Variants in SLFN12 observed in about 807,000 individuals in gnomAD.
SLFN12 encodes the protein schlafen family member 12.
SLFN12 carries 25 observed loss-of-function variants against 29.1 expected under a neutral mutation model. That is an observed-to-expected ratio of 0.86 (90% CI 0.63 to 1.20). The LOEUF (loss-of-function observed/expected upper bound fraction) is 1.20. Among genes scored for constraint, SLFN12 ranks in the 50% most tolerant of loss-of-function variants. The probability of loss-of-function intolerance (pLI) is 0.00; values close to 1 mark genes in which losing one functional copy is unlikely to be tolerated. For missense variants in SLFN12, 660 were observed against 666.2 expected (o/e 0.99, Z 0.10); for synonymous variants, 257 against 238.7 (o/e 1.08, Z -0.71).
intron 1 of SLFN12, among the ~76,000 whole-genome samples, chr17:35,424,121 T>C (rs1911863122): frequency 6.6e-6 from 1 of 152,176 alleles, no homozygotes; most frequent in South Asian, 2.1e-4. Context: ...GGATCACTGC[T>C]TTGCTCTAAA....
chr17:35,423,054 A>G lies in SLFN12; in HGVS notation c.-26T>C. 4.5e-6 allele frequency: 7 copies of G among 1,572,060 alleles called. No homozygotes were observed. The highest frequency in any genetic ancestry group is 1.4e-5 in the African/African-American group (1 of 73,750). ...TTTCCCAGCAGCTATGCAGTGTCCA[A>G]GCAGAAATTCTTTTCTGTAAAATAG... On this transcript the variant is annotated 5_prime_UTR_variant, in exon 2 of 4. Coordinates refer to ENST00000304905, the MANE Select transcript of SLFN12 (RefSeq NM_018042.5).
intron 1 of SLFN12, among the ~76,000 whole-genome samples, chr17:35,423,894 G>T (rs942759956): frequency 2.6e-5 from 4 of 152,140 alleles, no homozygotes; most frequent in African/African-American, 9.7e-5. Context: ...CAATAAGTAG[G>T]CAGTCTGCGA....
intron 1 of SLFN12, among the ~76,000 whole-genome samples, chr17:35,426,852 A>C (rs1269680962): frequency 1.3e-5 from 2 of 152,130 alleles, no homozygotes; most frequent in Admixed American, 6.5e-5. Context: ...ATTCCTCTAC[A>C]TACATGCCTG....
intron 3 of SLFN12, among the ~76,000 whole-genome samples, chr17:35,418,178 C>T (rs1449622557): frequency 6.6e-6 from 1 of 151,524 alleles, no homozygotes; most frequent in African/African-American, 2.4e-5. Flanking sequence ...AAAGGGCTTA[C>T]CCTACCAGAT....
At chr17:35,416,925 GAACT>G (rs1911352029) in intron 3 of SLFN12, among the ~76,000 whole-genome samples, 1 of 151,906 alleles carries the variant, frequency 6.6e-6, no homozygotes, top group African/African-American at 2.4e-5. Context: ...ATTGAAAAAA[GAACT>G]AACAGTCTTC....
At chr17:35,432,770 G>A (rs1912393512), upstream of SLFN12, 2 of 152,162 alleles carry the variant, frequency 1.3e-5, no homozygotes, top group Non-Finnish European at 2.9e-5. Context: ...AAGCAGACCG[G>A]GATGGGGGTG....
At chr17:35,425,640 T>C (rs185492393) in intron 1 of SLFN12, among the ~76,000 whole-genome samples, 1 of 152,122 alleles carries the variant, frequency 6.6e-6, no homozygotes, top group South Asian at 2.1e-4. Flanking sequence ...ATTATCTATA[T>C]GTACCACTTT....
rs760122325 is a variant in SLFN12, at chr17:35,422,629, C to G, written c.400G>C (p.Ala134Pro). Reference protein sequence around the residue: ...SNLYKRDITSAKVMNATAALE... With the variant: ...SNLYKRDITSPKVMNATAALE... ...GCAGCAGTGGCATTCATGACTTTTG[C>G]AGATGTTATATCTCTTTTGTACAAA... is the stretch of plus-strand genomic sequence containing the variant. Residue 134 changes from alanine (A) to proline (P), a missense_variant, in exon 2 of 4, where the codon GCA becomes CCA. Physicochemically the swap from Ala to Pro is conservative, Grantham distance 27. Transcript: ENST00000304905. 1 of 1,613,878 alleles carries G rather than the reference C, an allele frequency of 6.2e-7. No individual in the cohort carries two copies. Among genetic ancestry groups the G allele is most frequent in the Non-Finnish European group, 8.5e-7 (1 of 1,179,920 alleles).
chr17:35,411,905 A>G lies in SLFN12; in HGVS notation c.1170T>C (p.Tyr390=), dbSNP rs949273146. ...HCPGLSGRIT[Y]TPENLCRKLF... ...GTTTTCTGCAAAGGTTTTCTGGAGTATACGTTATCCTTCCTGATAGCCCTG... is the reference window on the plus strand; with the variant it reads ...GTTTTCTGCAAAGGTTTTCTGGAGTGTACGTTATCCTTCCTGATAGCCCTG... The change falls in exon 4 of 4, where the codon TAT becomes TAC. Residue 390 remains tyrosine (Y), a synonymous_variant. Coordinates refer to ENST00000304905, the MANE Select transcript of SLFN12 (RefSeq NM_018042.5). 3.1e-6 allele frequency: 5 copies of G among 1,607,828 alleles called. No individual in the cohort carries two copies. The highest frequency in any genetic ancestry group is 1.3e-5 in the African/African-American group (1 of 74,756).
intron 1 of SLFN12, among the ~76,000 whole-genome samples, chr17:35,430,193 C>A (rs1288726989): frequency 1.3e-5 from 2 of 152,040 alleles, no homozygotes; most frequent in Non-Finnish European, 2.9e-5. Flanking sequence ...GCTACAGAGA[C>A]AGGAAAGTGT....
At chr17:35,420,412 T>G in intron 2 of SLFN12, 31 bp from the exon 3 acceptor site, 1 of 1,462,460 alleles carries the variant, frequency 6.8e-7, no homozygotes, top group Non-Finnish European at 9.6e-7. Context: ...ATTCTTAATT[T>G]CGCAGAAGGG....
intron 3 of SLFN12, among the ~76,000 whole-genome samples, chr17:35,415,725 G>A (rs1367874072): frequency 1.3e-5 from 2 of 152,008 alleles, no homozygotes; most frequent in Admixed American, 1.3e-4. Context: ...ATTCTCAAAA[G>A]AAGATATACA....
Position 35,411,895 on chromosome 17 carries a change from T to C in SLFN12, c.1180A>G (p.Asn394Asp), listed in dbSNP as rs778620746. 6.2e-7 allele frequency: 1 copy of C among 1,611,966 alleles called. No individual in the cohort carries two copies. The highest frequency in any genetic ancestry group is 8.5e-7 in the Non-Finnish European group (1 of 1,179,378). ...TGTAAGAACAGTTTTCTGCAAAGGT[T>C]TTCTGGAGTATACGTTATCCTTCCT... ...LSGRITYTPE[N>D]LCRKLFLQHE... Residue 394 changes from asparagine (N) to aspartate (D), a missense_variant, in exon 4 of 4, where the codon AAC becomes GAC. Asn to Asp is a conservative substitution (Grantham distance 23, BLOSUM62 1). Coordinates refer to ENST00000304905, the MANE Select transcript of SLFN12 (RefSeq NM_018042.5).
chr17:35,411,942 A>G lies in SLFN12; in HGVS notation c.1148-15T>C, dbSNP rs1339531899. On this transcript the variant is annotated splice_polypyrimidine_tract_variant and intron_variant, in intron 3 of 3. Coordinates refer to ENST00000304905, the MANE Select transcript of SLFN12 (RefSeq NM_018042.5). ...TCCTGATAGCCCTGAATAAGGAAAT[A>G]ATAATAATAAATTATAAAACACTAG... 6.7e-6 allele frequency: 10 copies of G among 1,502,938 alleles called. No individual in the cohort carries two copies. The African/African-American group carries it at 7.0e-5, about 10-fold the overall frequency. 93.1% of individuals were successfully genotyped at this position (1,502,938 alleles called of 1,614,324 possible). A position where few individuals can be genotyped will look rare whatever the true frequency, so the allele number is the denominator to read the frequency against.
At chr17:35,426,525 C>T (rs1912030020) in intron 1 of SLFN12, among the ~76,000 whole-genome samples, 1 of 152,054 alleles carries the variant, frequency 6.6e-6, no homozygotes, top group Non-Finnish European at 1.5e-5. Context: ...ATATCAAGAA[C>T]GTTATTTTAA....
Position 35,423,064 on chromosome 17 carries a change from C to G in SLFN12, c.-36G>C, listed in dbSNP as rs768435780. ...GCTATGCAGTGTCCAAGCAGAAATT[C>G]TTTTCTGTAAAATAGACAGAGCCAT... On this transcript the variant is annotated 5_prime_UTR_variant, in exon 2 of 4. Transcript: ENST00000304905. The G allele has an allele frequency of 6.4e-7, 1 of 1,562,378 alleles. No individual in the cohort carries two copies. Among genetic ancestry groups the G allele is most frequent in the Admixed American group, 1.9e-5 (1 of 52,782 alleles).
intron 2 of SLFN12, among the ~76,000 whole-genome samples, chr17:35,421,257 T>C (rs1198290942): frequency 6.8e-6 from 1 of 146,650 alleles, no homozygotes; most frequent in Non-Finnish European, 1.5e-5. Flanking sequence ...AATAAATAAA[T>C]AGAAAGGGGA....
chr17:35,411,072 A>G lies in SLFN12; in HGVS notation c.*266T>C, dbSNP rs1910970875. On this transcript the variant is annotated 3_prime_UTR_variant, in exon 4 of 4. Transcript: ENST00000304905. ...AAAAGTGTTGCAATTTTCCCAGTTC[A>G]AGCATGGAAGAAAATTTATTCAGGA... is the stretch of plus-strand genomic sequence containing the variant. 1 of 237,554 alleles carries G rather than the reference A, an allele frequency of 4.2e-6. No homozygotes were observed. The highest frequency in any genetic ancestry group is 2.2e-5 in the African/African-American group (1 of 44,496). 14.7% of individuals were successfully genotyped at this position (237,554 alleles called of 1,614,324 possible).
At chr17:35,417,965 G>A (rs1399652027) in intron 3 of SLFN12, among the ~76,000 whole-genome samples, 1 of 151,982 alleles carries the variant, frequency 6.6e-6, no homozygotes, top group Non-Finnish European at 1.5e-5. Context: ...CATTAAAGAA[G>A]ATATAAATAA....
Sources: allele counts gnomAD v4.1 joint callset (sites outside exome capture counted in the v4.1 genomes callset), GRCh38; gene constraint gnomAD v4.1.1; transcripts MANE v1.5; gene names NCBI Gene and HGNC (gene_info 2026-07-23, HGNC 2026-07-21).